Variants in TTLL5 observed in about 807,000 individuals in gnomAD.
TTLL5 encodes tubulin polyglutamylase TTLL5.
A neutral mutation model predicts 168.4 loss-of-function variants in TTLL5; 132 were observed. The observed-to-expected ratio is 0.78, with a 90% CI of 0.68 to 0.91. The LOEUF (loss-of-function observed/expected upper bound fraction) is 0.91. Ranked by LOEUF, TTLL5 falls within the 40% of genes least tolerant of loss-of-function variation. The pLI, the probability that TTLL5 is intolerant of heterozygous loss-of-function variation, is 0.00. For missense variants in TTLL5, 1,545 were observed against 1,581.5 expected, an observed-to-expected ratio of 0.98 and a Z score of 0.39; for synonymous variants, 546 against 558.6, an observed-to-expected ratio of 0.98 and a Z score of 0.32.
At chr14:75,678,652 T>G (rs1460875769) in intron 3 of TTLL5, among the ~76,000 whole-genome samples, 1 of 151,778 alleles carries the variant, frequency 6.6e-6, no homozygotes, top group African/African-American at 2.4e-5. Context: ...AATTTGATTG[T>G]TATCCATGTT....
chr14:75,916,623 C>T (rs1009885220), intron 31 of TTLL5, among the ~76,000 whole-genome samples: 4 of 152,050 alleles, frequency 2.6e-5, no homozygotes, highest in South Asian at 2.1e-4. Flanking sequence ...GGTGACAGAG[C>T]GAGACTCTGT....
Position 75,783,658 on chromosome 14 carries a change from T to A in TTLL5, c.2986+128T>A, listed in dbSNP as rs117328344. On this transcript the variant is annotated intron_variant, in intron 26 of 31. Coordinates refer to ENST00000298832, the MANE Select transcript of TTLL5 (RefSeq NM_015072.5). ...TGGAAATGGACACACACTGCATTGT[T>A]CTGACGTGACTAAAGAAGACTTTTG... 5,275 of 1,305,502 alleles carry A rather than the reference T, an allele frequency of 4.0e-3. 277 individuals are homozygous for A. In the Admixed American group the frequency reaches 0.11, roughly 28 times the overall value. The allele number at this position is 1,305,502 out of a possible 1,614,324, so 80.9% of individuals were successfully genotyped here. A position where few individuals can be genotyped will look rare whatever the true frequency, so the allele number is the denominator to read the frequency against.
chr14:75,902,506 C>G (rs1183884115), intron 31 of TTLL5: 3 of 598,390 alleles, frequency 5.0e-6, no homozygotes, highest in Non-Finnish European at 3.1e-6. Flanking sequence ...CCCATATTGA[C>G]TGGTATTTCA....
At chr14:75,839,744 A>G (rs1316688842) in intron 28 of TTLL5, among the ~76,000 whole-genome samples, 1 of 152,214 alleles carries the variant, frequency 6.6e-6, no homozygotes, top group African/African-American at 2.4e-5. Flanking sequence ...GGGGAGGGGC[A>G]CAACCAAATC....
chr14:75,668,758 A>G (rs1883489342), intron 2 of TTLL5, among the ~76,000 whole-genome samples: 1 of 152,232 alleles, frequency 6.6e-6, no homozygotes, highest in Non-Finnish European at 1.5e-5. Flanking sequence ...AATTGGCTTG[A>G]AAATGGACTA....
intron 31 of TTLL5, among the ~76,000 whole-genome samples, chr14:75,918,146 C>T (rs762291186): frequency 6.6e-6 from 1 of 152,158 alleles, no homozygotes; most frequent in South Asian, 2.1e-4. Flanking sequence ...GTCAATCTGT[C>T]CCCCTTTCAA....
At chr14:75,845,794 T>C (rs900416974) in intron 28 of TTLL5, among the ~76,000 whole-genome samples, 2 of 152,230 alleles carry the variant, frequency 1.3e-5, no homozygotes, top group African/African-American at 4.8e-5. Context: ...GCTCATGTTC[T>C]TTCCTCTACT....
intron 29 of TTLL5, among the ~76,000 whole-genome samples, chr14:75,877,898 C>T (rs565553909): frequency 4.6e-5 from 7 of 152,322 alleles, no homozygotes; most frequent in African/African-American, 1.4e-4. Flanking sequence ...CTGCTTTTAA[C>T]ATTGTCTGAG....
intron 9 of TTLL5, among the ~76,000 whole-genome samples, chr14:75,714,713 A>G (rs1333341411): frequency 6.6e-6 from 1 of 152,172 alleles, no homozygotes; most frequent in Non-Finnish European, 1.5e-5. Context: ...TTTGAGCACA[A>G]GATGTTTCAG....
intron 9 of TTLL5, chr14:75,709,104 T>G (rs905130372): frequency 2.8e-6 from 2 of 705,016 alleles, no homozygotes; most frequent in African/African-American, 1.7e-5. Flanking sequence ...CATAGCAGTT[T>G]AGGAGGTGAT....
chr14:75,687,728 A>G (rs188445806), intron 5 of TTLL5, among the ~76,000 whole-genome samples: 1 of 152,346 alleles, frequency 6.6e-6, no homozygotes, highest in East Asian at 1.9e-4. Context: ...TTAAAACTCA[A>G]CCATAAGGAA....
At chr14:75,817,602 C>A (rs1313973094) in intron 27 of TTLL5, among the ~76,000 whole-genome samples, 1 of 151,964 alleles carries the variant, frequency 6.6e-6, no homozygotes, top group Non-Finnish European at 1.5e-5. Flanking sequence ...GAAAAAAAAT[C>A]ATAATTCTCT....
intron 28 of TTLL5, among the ~76,000 whole-genome samples, chr14:75,852,784 C>T (rs183508256): frequency 5.1e-4 from 78 of 152,272 alleles, no homozygotes; most frequent in African/African-American, 1.8e-3. Flanking sequence ...TTGGCAGGTC[C>T]GTCTAACTCA....
At chr14:75,889,837 AAAAAAAAG>A (rs1317677418) in intron 30 of TTLL5, among the ~76,000 whole-genome samples, 3 of 102,260 alleles carry the variant, frequency 2.9e-5, no homozygotes, top group Non-Finnish European at 6.0e-5. Flanking sequence ...AAAAAAAAAA[AAAAAAAAG>A]AGGAAGGAAG....
rs138871020 is a variant in TTLL5, at chr14:75,906,244, C to CT, written c.3823+4022dup. ...AATGGCCTATTTTCATGATCAGATT[C>CT]TTACTCTTTTCACCACGTGTTGTAT... is the stretch of plus-strand genomic sequence containing the variant. On this transcript the variant is annotated intron_variant, in intron 31 of 31. Coordinates refer to ENST00000298832, the MANE Select transcript of TTLL5 (RefSeq NM_015072.5). 5.9e-3 allele frequency among the ~76,000 whole-genome samples: 904 copies of CT among 152,306 alleles called. 12 individuals carry two copies. Among genetic ancestry groups the CT allele is most frequent in the African/African-American group, 0.021 (859 of 41,558 alleles).
chr14:75,816,698 A>C (rs779350177), intron 27 of TTLL5, among the ~76,000 whole-genome samples: 1 of 152,198 alleles, frequency 6.6e-6, no homozygotes, highest in Non-Finnish European at 1.5e-5. Flanking sequence ...TAATTGGAGA[A>C]GCTGTTAGTT....
chr14:75,720,832 C>G, intron 12 of TTLL5, 129 bp downstream of exon 12: 1 of 767,880 alleles, frequency 1.3e-6, no homozygotes, highest in Non-Finnish European at 2.2e-6. Context: ...TCTTTCTAAG[C>G]TCATGTAGCA....
intron 30 of TTLL5, among the ~76,000 whole-genome samples, chr14:75,895,421 T>C (rs1388879981): frequency 6.6e-6 from 1 of 152,170 alleles, no homozygotes; most frequent in Non-Finnish European, 1.5e-5. Flanking sequence ...GCACATACTA[T>C]GTCACAAATG....
chr14:75,937,316 C>T (rs893406621), intron 31 of TTLL5, among the ~76,000 whole-genome samples: 3 of 149,266 alleles, frequency 2.0e-5, no homozygotes, highest in Admixed American at 6.7e-5. Context: ...TTAGTAGAGA[C>T]GGGGTTTCAT....
Sources: allele counts gnomAD v4.1 joint callset (sites outside exome capture counted in the v4.1 genomes callset), GRCh38; gene constraint gnomAD v4.1.1; transcripts MANE v1.5; gene names NCBI Gene and HGNC (gene_info 2026-07-23, HGNC 2026-07-21).